The following CHST15 variants were observed in gnomAD, a reference collection of about 807,000 sequenced individuals.
CHST15 encodes carbohydrate sulfotransferase 15.
In CHST15, 30 loss-of-function variants were observed where a neutral mutation model predicts 53.6. The ratio of observed to expected loss-of-function variants is 0.56; its 90% CI spans 0.42 to 0.76. CHST15 has a LOEUF of 0.76. Ranked by LOEUF, CHST15 falls within the 30% of genes least tolerant of loss-of-function variation. The probability of loss-of-function intolerance (pLI) is 0.00; values close to 1 mark genes in which losing one functional copy is unlikely to be tolerated. For synonymous variants in CHST15, 296 were observed against 289.8 expected, an observed-to-expected ratio of 1.02 and a Z score of -0.22; for missense variants, 627 against 740.5, an observed-to-expected ratio of 0.85 and a Z score of 1.78.
At chr10:124,028,893 C>A (rs1281331892) in intron 5 of CHST15, among the ~76,000 whole-genome samples, 2 of 151,980 alleles carry the variant, frequency 1.3e-5, no homozygotes, top group South Asian at 2.1e-4. Flanking sequence ...TCCCCGTGCT[C>A]CTCAAACACC....
In CHST15 at chr10:124,065,104, C is replaced by T. The variant is rs183355133; in HGVS notation, c.-512-18380G>A. On this transcript the variant is annotated intron_variant, in intron 1 of 7. Coordinates refer to ENST00000435907, the MANE Select transcript of CHST15 (RefSeq NM_001270764.2). ...GCGGGGGTTAAATTTAAAATTTGGG[C>T]TGAGCGCGGTGGCTCTTGCCTGTAA... 2.5e-3 allele frequency among the ~76,000 whole-genome samples: 379 copies of T among 152,336 alleles called. 1 individual carries two copies. The highest frequency in any genetic ancestry group is 4.2e-3 in the Admixed American group (64 of 15,304).
intron 1 of CHST15, among the ~76,000 whole-genome samples, chr10:124,084,860 C>T (rs906189575): frequency 2.0e-5 from 3 of 152,176 alleles, no homozygotes; most frequent in Non-Finnish European, 4.4e-5. Flanking sequence ...AGAAGCCAGG[C>T]CCCTGATGAT....
In CHST15 at chr10:124,013,911, T is replaced by A. The variant is rs544452912; in HGVS notation, c.1348-1431A>T. On this transcript the variant is annotated intron_variant, in intron 6 of 7. Coordinates refer to ENST00000435907, the MANE Select transcript of CHST15 (RefSeq NM_001270764.2). Reference sequence around the variant, plus strand: ...TGCCCCATCTACACCTGCCTGAAGCTGATACAGCCTCCTGGCTAGTCCTCC... The same window carrying A: ...TGCCCCATCTACACCTGCCTGAAGCAGATACAGCCTCCTGGCTAGTCCTCC... 7.2e-5 allele frequency among the ~76,000 whole-genome samples: 11 copies of A among 152,362 alleles called. No individual in the cohort carries two copies. The East Asian group carries it at 2.1e-3, about 29-fold the overall frequency.
chr10:124,044,800 G>A lies in CHST15; in HGVS notation c.666C>T (p.Ser222=), dbSNP rs1564880993. 3 of 1,605,278 alleles carry A rather than the reference G, an allele frequency of 1.9e-6. No individual in the cohort carries two copies. The highest frequency in any genetic ancestry group is 2.2e-5 in the East Asian group (1 of 44,498). Residue 222 remains serine (S), a synonymous_variant, in exon 3 of 8, where the codon TCC becomes TCT. Coordinates refer to ENST00000435907, the MANE Select transcript of CHST15 (RefSeq NM_001270764.2). ...CGTCGAAGGTGGAGCGGAAGCGCTT[G>A]GAGTAGAGCACGTAGGAGTTGGTGA... ...PYLTNSYVLY[S]KRFRSTFDAL...
At chr10:124,056,204 C>T (rs1466864394) in intron 1 of CHST15, among the ~76,000 whole-genome samples, 1 of 152,148 alleles carries the variant, frequency 6.6e-6, no homozygotes, top group East Asian at 1.9e-4. Flanking sequence ...AGCGGCTTCT[C>T]CAGGCCCTTG....
chr10:124,087,795 C>T (rs1949478063), intron 1 of CHST15, among the ~76,000 whole-genome samples: 1 of 151,146 alleles, frequency 6.6e-6, no homozygotes, highest in Non-Finnish European at 1.5e-5. Flanking sequence ...TACACCAGCA[C>T]AGTTCCACCT....
intron 1 of CHST15, among the ~76,000 whole-genome samples, chr10:124,071,363 A>G (rs1173340957): frequency 6.6e-6 from 1 of 152,190 alleles, no homozygotes; most frequent in Non-Finnish European, 1.5e-5. Context: ...CATCAGCCTG[A>G]AACCCTGCTC....
intron 4 of CHST15, among the ~76,000 whole-genome samples, chr10:124,039,185 GTAA>G (rs1947641048): frequency 1.3e-5 from 2 of 152,200 alleles, no homozygotes; most frequent in Non-Finnish European, 2.9e-5. Context: ...GATGGTTCTA[GTAA>G]TAATAGATGG....
At chr10:124,064,169 G>C (rs961575284) in intron 1 of CHST15, among the ~76,000 whole-genome samples, 2 of 151,924 alleles carry the variant, frequency 1.3e-5, no homozygotes, top group Non-Finnish European at 2.9e-5. Context: ...TTCCTCCTGG[G>C]CTAAAACGAA....
intron 5 of CHST15, among the ~76,000 whole-genome samples, chr10:124,037,458 G>A (rs1459312097): frequency 6.6e-6 from 1 of 152,144 alleles, no homozygotes; most frequent in East Asian, 1.9e-4. Context: ...CTCAAAATAG[G>A]AACACAGCTG....
Position 124,031,917 on chromosome 10 carries a change from G to A in CHST15, c.1190+6598C>T, listed in dbSNP as rs566242583. ...CCTGTGTTCCTGCCACCATGACCCC[G>A]GTACACCTCCCAGACACTCAGCGGG... On this transcript the variant is annotated intron_variant, in intron 5 of 7. Coordinates refer to ENST00000435907, the MANE Select transcript of CHST15 (RefSeq NM_001270764.2). Among the ~76,000 whole-genome samples the A allele has an allele frequency of 8.5e-5, 13 of 152,162 alleles. No individual in the cohort carries two copies. The South Asian group carries it at 2.1e-3, about 24-fold the overall frequency.
Position 124,007,903 on chromosome 10 carries a change from A to G in CHST15, c.*2246T>C, listed in dbSNP as rs1482746991. 2.4e-6 allele frequency: 3 copies of G among 1,231,940 alleles called. No individual in the cohort carries two copies. The highest frequency in any genetic ancestry group is 3.0e-6 in the Non-Finnish European group (3 of 987,966). The allele number at this position is 1,231,940 out of a possible 1,614,324, so 76.3% of individuals were successfully genotyped here. A position where few individuals can be genotyped will look rare whatever the true frequency, so the allele number is the denominator to read the frequency against. ...GTTTTGAATGGCAGGCTCGAGAACC[A>G]CCGCCCAGAACGGAACCTATTCTGT... On this transcript the variant is annotated 3_prime_UTR_variant, in exon 8 of 8. Transcript: ENST00000435907.
Position 124,040,218 on chromosome 10 carries a change from C to T in CHST15, c.1034-1547G>A, listed in dbSNP as rs182535138. On this transcript the variant is annotated intron_variant, in intron 4 of 7. Coordinates refer to ENST00000435907, the MANE Select transcript of CHST15 (RefSeq NM_001270764.2). The stretch of plus-strand genomic sequence containing the variant: ...GTTTGTCCATCCACCTGACTGTCTT[C>T]CTTCCATCCAGCCACCATCCATCCT... Among the ~76,000 whole-genome samples the T allele has an allele frequency of 3.1e-3, 474 of 152,318 alleles. 2 individuals are homozygous for T. Among genetic ancestry groups the T allele is most frequent in the Non-Finnish European group, 5.3e-3 (363 of 68,028 alleles).
intron 1 of CHST15, among the ~76,000 whole-genome samples, chr10:124,065,797 T>C (rs1948735399): frequency 6.6e-6 from 1 of 152,236 alleles, no homozygotes; most frequent in South Asian, 2.1e-4. Context: ...TCCGTTTTGT[T>C]TTGTTTTGAC....
At chr10:124,087,763 G>T (rs990672748) in intron 1 of CHST15, among the ~76,000 whole-genome samples, 1 of 150,918 alleles carries the variant, frequency 6.6e-6, no homozygotes, top group Non-Finnish European at 1.5e-5. Context: ...AGTGGGGTGA[G>T]ATGTAACATT....
At chr10:124,035,225 A>G (rs73367689) in intron 5 of CHST15, among the ~76,000 whole-genome samples, 6,666 of 131,996 alleles carry the variant, frequency 0.051, 565 homozygotes, top group African/African-American at 0.18. Flanking sequence ...ACCCCCTAAC[A>G]GGGACCCTGG....
intron 3 of CHST15, 30 bp downstream of exon 3, chr10:124,044,550 C>T: frequency 6.9e-7 from 1 of 1,456,332 alleles, no homozygotes; most frequent in East Asian, 2.6e-5. Context: ...GGAACGAGAC[C>T]AGACAGGAGC....
At chr10:124,050,031 G>A (rs61863974) in intron 1 of CHST15, among the ~76,000 whole-genome samples, 11 of 152,076 alleles carry the variant, frequency 7.2e-5, no homozygotes, top group Non-Finnish European at 1.3e-4. Flanking sequence ...CCTGGGCTGC[G>A]GTGGGCGTGG....
chr10:124,034,042 A>G (rs1203492019), intron 5 of CHST15, among the ~76,000 whole-genome samples: 3 of 152,174 alleles, frequency 2.0e-5, no homozygotes, highest in African/African-American at 4.8e-5. Flanking sequence ...GCACCAGGAC[A>G]TGAGCCATGA....
Sources: gnomAD v4.1 joint callset for allele counts (sites outside exome capture counted in the v4.1 genomes callset) on GRCh38, gnomAD v4.1.1 for gene constraint, MANE v1.5 for transcripts, NCBI Gene and HGNC (gene_info 2026-07-23, HGNC 2026-07-21) for gene names.